The following COP1 variants were observed in gnomAD, a reference collection of about 807,000 sequenced individuals.
COP1 encodes the protein COP1 E3 ubiquitin ligase, also known as E3 ubiquitin-protein ligase COP1.
COP1 carries 24 observed loss-of-function variants against 101.3 expected under a neutral mutation model. The observed-to-expected ratio is 0.24, with a 90% CI of 0.17 to 0.33. The LOEUF (loss-of-function observed/expected upper bound fraction) is 0.33. Ranked by LOEUF, COP1 falls within the 10% of genes least tolerant of loss-of-function variation. The pLI is 1.00. For missense variants in COP1, 663 were observed against 906.2 expected (o/e 0.73, Z 3.45); for synonymous variants, 347 against 341.9 (o/e 1.01, Z -0.17).
intron 5 of COP1, among the ~76,000 whole-genome samples, chr1:176,159,047 A>G (rs575894573): frequency 6.6e-6 from 1 of 152,248 alleles, no homozygotes; most frequent in Admixed American, 6.5e-5. Context: ...ACAAAAAATT[A>G]TAAGTGATGA....
At chr1:176,167,277 C>T (rs1474290141) in intron 3 of COP1, among the ~76,000 whole-genome samples, 1 of 152,102 alleles carries the variant, frequency 6.6e-6, no homozygotes, top group Non-Finnish European at 1.5e-5. Context: ...ATTTTAAAAG[C>T]AATGCTTACC....
At chr1:176,061,253 A>T (rs1362229819) in intron 11 of COP1, among the ~76,000 whole-genome samples, 1 of 152,254 alleles carries the variant, frequency 6.6e-6, no homozygotes, top group African/African-American at 2.4e-5. Context: ...ATTCATTTTA[A>T]ACAAAGATGC....
At chr1:176,176,709 G>A (rs951553833) in intron 2 of COP1, among the ~76,000 whole-genome samples, 2 of 152,114 alleles carry the variant, frequency 1.3e-5, no homozygotes. Flanking sequence ...CTGGGAGGGT[G>A]AGGCAGGAGG....
chr1:175,979,374 T>C (rs1227213784), intron 18 of COP1, among the ~76,000 whole-genome samples: 2 of 152,166 alleles, frequency 1.3e-5, no homozygotes, highest in Non-Finnish European at 2.9e-5. Context: ...GCATGGCTTC[T>C]CAAATGTGCT....
chr1:175,989,243 A>C (rs537174310), intron 16 of COP1, 119 bp downstream of exon 16: 8 of 523,518 alleles, frequency 1.5e-5, no homozygotes, highest in Non-Finnish European at 2.8e-5. Flanking sequence ...TCTACTATTT[A>C]AGAAAAAGTA....
chr1:176,071,596 C>T (rs1009943685), intron 11 of COP1, among the ~76,000 whole-genome samples: 2 of 152,098 alleles, frequency 1.3e-5, no homozygotes, highest in Non-Finnish European at 2.9e-5. Context: ...CTTAGGATCA[C>T]AGAAAGATTT....
intron 14 of COP1, among the ~76,000 whole-genome samples, chr1:176,032,651 T>C (rs1359432605): frequency 6.6e-6 from 1 of 152,094 alleles, no homozygotes; most frequent in Admixed American, 6.5e-5. Flanking sequence ...CCATGTGGGC[T>C]TGTGACAACG....
intron 10 of COP1, among the ~76,000 whole-genome samples, chr1:176,081,728 T>G (rs1262388922): frequency 6.6e-6 from 1 of 152,122 alleles, no homozygotes; most frequent in African/African-American, 2.4e-5. Context: ...AATAACATTT[T>G]AGATAAAATA....
At chr1:176,061,417 A>C (rs1448152500) in intron 11 of COP1, among the ~76,000 whole-genome samples, 1 of 152,170 alleles carries the variant, frequency 6.6e-6, no homozygotes, top group African/African-American at 2.4e-5. Flanking sequence ...ACCTGAGGTC[A>C]GGAGTTCGAG....
chr1:176,086,164 T>C (rs557543833), intron 9 of COP1, among the ~76,000 whole-genome samples: 7 of 151,482 alleles, frequency 4.6e-5, no homozygotes, highest in Non-Finnish European at 1.0e-4. Context: ...TCTTCACTTC[T>C]ACAAATAAAA....
At chr1:175,977,635 G>A (rs1340386162) in intron 18 of COP1, among the ~76,000 whole-genome samples, 1 of 152,014 alleles carries the variant, frequency 6.6e-6, no homozygotes, top group Non-Finnish European at 1.5e-5. Context: ...AACAACAGTG[G>A]TTATATGTGA....
intron 9 of COP1, among the ~76,000 whole-genome samples, chr1:176,103,611 C>A (rs1342747930): frequency 6.6e-6 from 1 of 152,210 alleles, no homozygotes; most frequent in East Asian, 1.9e-4. Context: ...CACCATATCA[C>A]AGCTCAAAAA....
intron 12 of COP1, among the ~76,000 whole-genome samples, chr1:176,045,086 C>T (rs1671280361): frequency 6.6e-6 from 1 of 152,118 alleles, no homozygotes; most frequent in Non-Finnish European, 1.5e-5. Context: ...AGTCTGAATC[C>T]TGGCTCCTCT....
intron 9 of COP1, among the ~76,000 whole-genome samples, chr1:176,099,044 T>C (rs970158565): frequency 2.3e-4 from 35 of 152,232 alleles, no homozygotes; most frequent in Admixed American, 2.1e-3. Flanking sequence ...CTATCCATCA[T>C]AATTAAGGTT....
intron 15 of COP1, among the ~76,000 whole-genome samples, chr1:175,998,804 T>C (rs1024921919): frequency 2.0e-5 from 3 of 152,058 alleles, no homozygotes; most frequent in African/African-American, 7.2e-5. Context: ...TAATCCTAGG[T>C]AGGATAAGGT....
At chr1:176,123,788 T>C (rs1042873629) in intron 8 of COP1, among the ~76,000 whole-genome samples, 2 of 152,178 alleles carry the variant, frequency 1.3e-5, no homozygotes, top group African/African-American at 4.8e-5. Flanking sequence ...TATTTGAACT[T>C]TCTCTTATAA....
At chr1:176,069,195 AAAAAG>A (rs1676543425) in intron 11 of COP1, among the ~76,000 whole-genome samples, 1 of 152,208 alleles carries the variant, frequency 6.6e-6, no homozygotes, top group Non-Finnish European at 1.5e-5. Flanking sequence ...AAGAGAAAAA[AAAAAG>A]AAAAGAAGAA....
intron 5 of COP1, among the ~76,000 whole-genome samples, chr1:176,158,201 A>G (rs575998978): frequency 1.3e-5 from 2 of 152,206 alleles, no homozygotes; most frequent in Non-Finnish European, 2.9e-5. Flanking sequence ...AAGACAAAAG[A>G]TAAGAATGAC....
At chr1:176,151,306 GGAGA>G (rs1465145046) in intron 5 of COP1, among the ~76,000 whole-genome samples, 2 of 137,284 alleles carry the variant, frequency 1.5e-5, no homozygotes, top group East Asian at 4.2e-4. Context: ...AAGAAAGAAA[GGAGA>G]GAAAGAAAGA....
Sources: allele counts gnomAD v4.1 joint callset (sites outside exome capture counted in the v4.1 genomes callset), GRCh38; gene constraint gnomAD v4.1.1; transcripts MANE v1.5; gene names NCBI Gene and HGNC (gene_info 2026-07-23, HGNC 2026-07-21).